The following SMIM10L3 variants were observed in gnomAD, a reference collection of about 807,000 sequenced individuals.
The protein encoded by SMIM10L3 is small integral membrane protein 10 like 3.
At chr7:6,345,216 C>G in the SMIM10L3 span, among the ~76,000 whole-genome samples, 3 of 151,972 alleles carry the variant, frequency 2.0e-5, no homozygotes, top group Non-Finnish European at 4.4e-5. Flanking sequence ...CTCCTTGGCT[C>G]AAGCGATCCT....
At chr7:6,348,155 C>G in the SMIM10L3 span, among the ~76,000 whole-genome samples, 3 of 151,716 alleles carry the variant, frequency 2.0e-5, no homozygotes, top group African/African-American at 7.3e-5. Flanking sequence ...GGTAATCCGC[C>G]CGCCTCAGCC....
the SMIM10L3 span, chr7:6,348,868 A>ACCGG: frequency 7.8e-6 from 3 of 386,086 alleles, no homozygotes; most frequent in South Asian, 1.4e-4. Flanking sequence ...CGGCGGCTAG[A>ACCGG]CCGGCGGGCG....
the SMIM10L3 span, among the ~76,000 whole-genome samples, chr7:6,347,678 C>G: frequency 6.6e-6 from 1 of 152,086 alleles, no homozygotes; most frequent in Non-Finnish European, 1.5e-5. Context: ...CCTCACAACT[C>G]AGTTCCACCT....
the SMIM10L3 span, among the ~76,000 whole-genome samples, chr7:6,331,532 C>A: frequency 6.6e-6 from 1 of 151,834 alleles, no homozygotes; most frequent in African/African-American, 2.4e-5. Context: ...CAGTTGCATG[C>A]CACCAAGCCC....
chr7:6,332,676 G>A, the SMIM10L3 span, among the ~76,000 whole-genome samples: 1 of 152,068 alleles, frequency 6.6e-6, no homozygotes, highest in Non-Finnish European at 1.5e-5. Context: ...CTCTGACCTG[G>A]GCAATGGAGT....
At chr7:6,343,407 T>C in the SMIM10L3 span, among the ~76,000 whole-genome samples, 1 of 32,612 alleles carries the variant, frequency 3.1e-5, no homozygotes. Flanking sequence ...CATATATATA[T>C]ATATATATAT....
At chr7:6,337,539 T>C in the SMIM10L3 span, among the ~76,000 whole-genome samples, 3 of 151,780 alleles carry the variant, frequency 2.0e-5, no homozygotes, top group Non-Finnish European at 4.4e-5. Flanking sequence ...TTCAGAAAGG[T>C]GAAACATTTC....
At chr7:6,345,264 C>T in the SMIM10L3 span, among the ~76,000 whole-genome samples, 5 of 151,386 alleles carry the variant, frequency 3.3e-5, no homozygotes, top group Non-Finnish European at 4.4e-5. Flanking sequence ...ATTACAGGCA[C>T]GCACCACGAC....
chr7:6,347,923 T>TTAC, the SMIM10L3 span, among the ~76,000 whole-genome samples: 1 of 138,694 alleles, frequency 7.2e-6, no homozygotes, highest in Non-Finnish European at 1.6e-5. Flanking sequence ...ATTATTATTA[T>TTAC]TATTGAGATG....
chr7:6,345,067 T>C, the SMIM10L3 span, among the ~76,000 whole-genome samples: 1 of 151,936 alleles, frequency 6.6e-6, no homozygotes, highest in African/African-American at 2.4e-5. Flanking sequence ...AGAGTTTAGC[T>C]TTCTTTTAGA....
At chr7:6,346,255 C>T in the SMIM10L3 span, among the ~76,000 whole-genome samples, 2 of 152,136 alleles carry the variant, frequency 1.3e-5, no homozygotes, top group African/African-American at 2.4e-5. Flanking sequence ...CAATTCAAGC[C>T]ACCTGGTGGA....
At chr7:6,329,486 G>T in the SMIM10L3 span, 1 of 152,554 alleles carries the variant, frequency 6.6e-6, no homozygotes, top group Non-Finnish European at 1.5e-5. Context: ...ATAGCACATG[G>T]CATAGTAATT....
the SMIM10L3 span, among the ~76,000 whole-genome samples, chr7:6,339,544 A>C: frequency 6.9e-6 from 1 of 145,598 alleles, no homozygotes; most frequent in Non-Finnish European, 1.5e-5. Context: ...AGTGCAGTGG[A>C]GCAATCTCAG....
the SMIM10L3 span, chr7:6,331,364 T>C: frequency 6.5e-6 from 4 of 611,522 alleles, no homozygotes; most frequent in South Asian, 4.2e-5. Flanking sequence ...GGTTTCACCA[T>C]ATTGGTAAGG....
the SMIM10L3 span, among the ~76,000 whole-genome samples, chr7:6,341,656 C>T: frequency 6.7e-5 from 10 of 149,692 alleles, no homozygotes; most frequent in African/African-American, 9.8e-5. Flanking sequence ...CGCCACCGCA[C>T]TCTAGCCTGG....
the SMIM10L3 span, among the ~76,000 whole-genome samples, chr7:6,332,013 G>A: frequency 6.6e-6 from 1 of 151,598 alleles, no homozygotes; most frequent in Non-Finnish European, 1.5e-5. Context: ...TTGGGAGGCT[G>A]AGGTGGGAGA....
the SMIM10L3 span, chr7:6,348,907 C>A: frequency 7.8e-6 from 3 of 385,512 alleles, no homozygotes; most frequent in South Asian, 4.3e-4. Context: ...GGAGTCCGCA[C>A]GTCACGCTCG....
chr7:6,334,592 G>A, the SMIM10L3 span, among the ~76,000 whole-genome samples: 1 of 151,962 alleles, frequency 6.6e-6, no homozygotes, highest in African/African-American at 2.4e-5. Context: ...TAAGCCTCCT[G>A]AGTAGCTGGG....
At chr7:6,341,670 AC>A in the SMIM10L3 span, among the ~76,000 whole-genome samples, 3 of 150,288 alleles carry the variant, frequency 2.0e-5, no homozygotes, top group Admixed American at 6.7e-5. Flanking sequence ...AGCCTGGGCC[AC>A]AGAGCAAGAC....
Sources: allele counts gnomAD v4.1 joint callset (sites outside exome capture counted in the v4.1 genomes callset), GRCh38; gene constraint gnomAD v4.1.1; transcripts MANE v1.5; gene names NCBI Gene and HGNC (gene_info 2026-07-23, HGNC 2026-07-21).